PCDHGB1: variants seen among roughly 807,000 people sequenced by gnomAD.
PCDHGB1 encodes the protein protocadherin gamma subfamily B, 1.
A neutral mutation model predicts 56.6 loss-of-function variants in PCDHGB1; 34 were observed. The observed-to-expected ratio is 0.60, with a 90% CI of 0.46 to 0.80. The LOEUF (loss-of-function observed/expected upper bound fraction) is 0.80. PCDHGB1 is among the 30% of genes least tolerant of loss of function. PCDHGB1 has a pLI of 0.00. For synonymous variants in PCDHGB1, 561 were observed against 505.9 expected (o/e 1.11, Z -1.46); for missense variants, 1,278 against 1,204.6 (o/e 1.06, Z -0.90).
In PCDHGB1 at chr5:141,511,216, C is replaced by A. The variant is rs374915167; in HGVS notation, c.*43C>A. On this transcript the variant is annotated 3_prime_UTR_variant, in exon 4 of 4. Coordinates refer to ENST00000523390, the MANE Select transcript of PCDHGB1 (RefSeq NM_018922.3). Reference sequence around the variant, plus strand: ...GAGCCACAGGGCGGCCTCTCCCCAACCAGCCCAGCTTCTCCTTACCTGCAC... The same window carrying A: ...GAGCCACAGGGCGGCCTCTCCCCAAACAGCCCAGCTTCTCCTTACCTGCAC... The A allele has an allele frequency of 6.2e-7, 1 of 1,608,004 alleles. No homozygotes were observed. The highest frequency in any genetic ancestry group is 1.3e-5 in the African/African-American group (1 of 74,736).
intron 1 of PCDHGB1, among the ~76,000 whole-genome samples, chr5:141,439,050 A>G (rs1353548752): frequency 1.3e-5 from 2 of 151,164 alleles, no homozygotes; most frequent in Non-Finnish European, 2.9e-5. Flanking sequence ...TAAGATTTCC[A>G]TATTGTGTGG....
chr5:141,394,395 C>G (rs1238779909), intron 1 of PCDHGB1: 2 of 1,614,146 alleles, frequency 1.2e-6, no homozygotes, highest in Non-Finnish European at 1.7e-6. Context: ...GATCCGAGAC[C>G]TGCAGCTACT....
At chr5:141,426,022 T>A (rs1174153557) in intron 1 of PCDHGB1, among the ~76,000 whole-genome samples, 3 of 152,204 alleles carry the variant, frequency 2.0e-5, no homozygotes, top group Admixed American at 2.0e-4. Flanking sequence ...GTTTTCTAAA[T>A]AGACTCAGAG....
chr5:141,477,898 AG>A lies in PCDHGB1; in HGVS notation c.2410-16907del. The stretch of plus-strand genomic sequence containing the variant: ...CTGGCCACCTAGTGTCACGGGTGGT[AG>A]GCTGGGACGCGGATGCAGGGCACAA... On this transcript the variant is annotated intron_variant, in intron 1 of 3. Coordinates refer to ENST00000523390, the MANE Select transcript of PCDHGB1 (RefSeq NM_018922.3). The surrounding 1 kb of genome is among the most constrained non-coding windows in gnomAD (Gnocchi z 4.9). The A allele has an allele frequency of 6.2e-7, 1 of 1,614,158 alleles. No individual in the cohort carries two copies. Among genetic ancestry groups the A allele is most frequent in the Non-Finnish European group, 8.5e-7 (1 of 1,180,036 alleles).
At chr5:141,394,425 G>A (rs2092997484) in intron 1 of PCDHGB1, 6 of 1,614,232 alleles carry the variant, frequency 3.7e-6, no homozygotes, top group Non-Finnish European at 5.1e-6. Flanking sequence ...CAGCGACAGC[G>A]GGGACCCGCC....
chr5:141,419,759 G>A (rs1179602962), intron 1 of PCDHGB1: 2 of 1,614,004 alleles, frequency 1.2e-6, no homozygotes, highest in Admixed American at 3.3e-5. Context: ...TGCTTTGGGT[G>A]ACAAGGACTC....
intron 1 of PCDHGB1, chr5:141,409,596 AC>A: frequency 6.2e-7 from 1 of 1,613,714 alleles, no homozygotes; most frequent in Non-Finnish European, 8.5e-7. Flanking sequence ...GCCGAGAACA[AC>A]CCGCCAGGAG....
In PCDHGB1 at chr5:141,512,874, C is replaced by G. The variant is rs2099884476; in HGVS notation, c.*1701C>G. The G allele has an allele frequency of 6.6e-6, 1 of 152,246 alleles. No homozygotes were observed. Among genetic ancestry groups the G allele is most frequent in the Non-Finnish European group, 1.5e-5 (1 of 68,062 alleles). 9.4% of individuals were successfully genotyped at this position (152,246 alleles called of 1,614,324 possible). ...CTTCTCTTCGCATAGTCACGTAGCT[C>G]CCACCCCACCCTCTTCCTGTGTCTC... On this transcript the variant is annotated 3_prime_UTR_variant, in exon 4 of 4. Transcript: ENST00000523390.
intron 1 of PCDHGB1, chr5:141,361,134 C>T (rs774354989): frequency 4.3e-6 from 7 of 1,613,918 alleles, no homozygotes; most frequent in Non-Finnish European, 5.9e-6. Context: ...ACTGCAGTAT[C>T]CAAGTTGAAA....
chr5:141,355,805 G>T (rs571571659), intron 1 of PCDHGB1: 1 of 1,613,322 alleles, frequency 6.2e-7, no homozygotes, highest in South Asian at 1.1e-5. Flanking sequence ...GCTCTAGATC[G>T]CGAGGAAGAG....
chr5:141,457,172 T>C (rs1425263344), intron 1 of PCDHGB1, among the ~76,000 whole-genome samples: 1 of 152,212 alleles, frequency 6.6e-6, no homozygotes, highest in East Asian at 1.9e-4. Context: ...ATAACCCTAT[T>C]GCAAATAGTA....
At position 141,432,180 on chromosome 5, in the gene PCDHGB1, T is replaced by G. The variant is rs943491593; in HGVS notation, c.2410-62627T>G. 2 of 1,614,044 alleles carry G rather than the reference T, an allele frequency of 1.2e-6. No homozygotes were observed. The highest frequency in any genetic ancestry group is 1.7e-6 in the Non-Finnish European group (2 of 1,180,036). ...CCCAGAGGAGTTTCCCTCGTCTCTG[T>G]GACCGCCCACGACCCCGACTGTGAA... On this transcript the variant is annotated intron_variant, in intron 1 of 3. Coordinates refer to ENST00000523390, the MANE Select transcript of PCDHGB1 (RefSeq NM_018922.3). This position sits in a 1 kb window ranked among gnomAD's most constrained non-coding sequence, Gnocchi z 6.0.
At chr5:141,399,977 T>C (rs1166854292) in intron 1 of PCDHGB1, 1 of 1,612,262 alleles carries the variant, frequency 6.2e-7, no homozygotes, top group African/African-American at 1.3e-5. Flanking sequence ...AGCCTGGGGC[T>C]GCGCACAGGA....
intron 1 of PCDHGB1, chr5:141,398,694 T>A: frequency 6.2e-7 from 1 of 1,613,868 alleles, no homozygotes; most frequent in Non-Finnish European, 8.5e-7. Context: ...AGGATGGTAG[T>A]AAATACCCGG....
chr5:141,509,255 T>A (rs1434555633), intron 3 of PCDHGB1, among the ~76,000 whole-genome samples: 1 of 152,158 alleles, frequency 6.6e-6, no homozygotes, highest in African/African-American at 2.4e-5. Flanking sequence ...CCTCTCCGGC[T>A]TTAGTCACTC....
At chr5:141,421,469 G>A in intron 1 of PCDHGB1, 1 of 1,614,122 alleles carries the variant, frequency 6.2e-7, no homozygotes, top group Non-Finnish European at 8.5e-7. Flanking sequence ...GTGAATCCGC[G>A]AAGCGGCAGC....
chr5:141,443,166 C>T (rs914863821), intron 1 of PCDHGB1, among the ~76,000 whole-genome samples: 2 of 152,124 alleles, frequency 1.3e-5, no homozygotes, highest in African/African-American at 4.8e-5. Context: ...ATTTCCCTAC[C>T]CATGTCCACT....
At position 141,370,441 on chromosome 5, in the gene PCDHGB1, T is replaced by C. The variant is rs2149963078; in HGVS notation, c.2409+17772T>C. On this transcript the variant is annotated intron_variant, in intron 1 of 3. Transcript: ENST00000523390. ...AGGGGCCCAGCAGGGCAGAGGCGAA[T>C]GCTATTTCTCTTCCTGCTCTCTTTG... 3.1e-6 allele frequency: 5 copies of C among 1,605,944 alleles called. No homozygotes were observed. Among genetic ancestry groups the C allele is most frequent in the Admixed American group, 1.7e-5 (1 of 58,778 alleles).
chr5:141,477,571 C>A lies in PCDHGB1; in HGVS notation c.2410-17236C>A, dbSNP rs1470454976. ...TAAACCTAAGTGTCTGGGACCCCGA[C>A]GCCCCGCAGAATGCTCGGCTTTCTT... is the stretch of plus-strand genomic sequence containing the variant. On this transcript the variant is annotated intron_variant, in intron 1 of 3. Coordinates refer to ENST00000523390, the MANE Select transcript of PCDHGB1 (RefSeq NM_018922.3). The surrounding 1 kb of genome is among the most constrained non-coding windows in gnomAD (Gnocchi z 4.9). The A allele has an allele frequency of 3.1e-6, 5 of 1,614,042 alleles. No homozygotes were observed. In the South Asian group the frequency reaches 4.4e-5, roughly 14 times the overall value.
Sources: allele counts gnomAD v4.1 joint callset (sites outside exome capture counted in the v4.1 genomes callset), GRCh38; gene constraint gnomAD v4.1.1; non-coding constraint Gnocchi (gnomAD v3.1); transcripts MANE v1.5; gene names NCBI Gene and HGNC (gene_info 2026-07-23, HGNC 2026-07-21).